The following THSD4 variants were observed in gnomAD, a reference collection of about 807,000 sequenced individuals.
THSD4 encodes the protein thrombospondin type-1 domain-containing protein 4.
In THSD4, 69 loss-of-function variants were observed where a neutral mutation model predicts 119.0. The ratio of observed to expected loss-of-function variants is 0.58; its 90% CI spans 0.48 to 0.71. The LOEUF (loss-of-function observed/expected upper bound fraction) is 0.71, where lower values mean the gene tolerates loss of function less well. THSD4 is among the 30% of genes least tolerant of loss of function. The pLI, the probability that THSD4 is intolerant of heterozygous loss-of-function variation, is 0.00. For synonymous variants in THSD4, 524 were observed against 540.4 expected (o/e 0.97, Z 0.42); for missense variants, 1,393 against 1,391.1 (o/e 1.00, Z -0.02).
chr15:71,150,592 T>C (rs894747227), intron 2 of THSD4, among the ~76,000 whole-genome samples: 1 of 152,196 alleles, frequency 6.6e-6, no homozygotes, highest in African/African-American at 2.4e-5. Context: ...TTAGCTTCAA[T>C]AGGGCCCAGT....
At chr15:71,439,723 C>T (rs973894958) in intron 7 of THSD4, among the ~76,000 whole-genome samples, 28 of 152,034 alleles carry the variant, frequency 1.8e-4, no homozygotes, top group Admixed American at 1.4e-3. Context: ...GGGACATGGA[C>T]GAAGCTGGAA....
chr15:71,654,552 TATTGCTAA>T (rs2051152747), intron 7 of THSD4, among the ~76,000 whole-genome samples: 2 of 152,226 alleles, frequency 1.3e-5, no homozygotes, highest in African/African-American at 4.8e-5. Flanking sequence ...AAACGGTCTA[TATTGCTAA>T]ATTGCTTTCC....
intron 7 of THSD4, among the ~76,000 whole-genome samples, chr15:71,646,604 T>C (rs868410951): frequency 1.3e-5 from 2 of 152,264 alleles, no homozygotes; most frequent in Admixed American, 6.5e-5. Context: ...ATTGAGTTCC[T>C]TCCATGTGTC....
At chr15:71,602,401 A>G (rs11072306) in intron 7 of THSD4, among the ~76,000 whole-genome samples, 93,282 of 151,060 alleles carry the variant, frequency 0.62, 31,299 homozygotes, top group East Asian at 0.99. Context: ...TAAAAATACA[A>G]AATTAGCCAG....
intron 3 of THSD4, among the ~76,000 whole-genome samples, chr15:71,211,095 A>G (rs985305486): frequency 6.6e-6 from 1 of 152,236 alleles, no homozygotes; most frequent in East Asian, 1.9e-4. Context: ...TTTAGATTCT[A>G]ATCAGCAGTG....
chr15:71,220,510 T>C (rs980355175), intron 4 of THSD4, among the ~76,000 whole-genome samples: 1 of 152,172 alleles, frequency 6.6e-6, no homozygotes, highest in African/African-American at 2.4e-5. Context: ...GTAATAATAA[T>C]ACCTATCATG....
At chr15:71,333,190 G>A (rs2045449276) in intron 6 of THSD4, among the ~76,000 whole-genome samples, 1 of 152,068 alleles carries the variant, frequency 6.6e-6, no homozygotes. Flanking sequence ...CAGGTGCATT[G>A]CAGGCATTAG....
intron 7 of THSD4, among the ~76,000 whole-genome samples, chr15:71,568,384 T>C (rs1456549544): frequency 1.3e-5 from 2 of 152,010 alleles, no homozygotes; most frequent in African/African-American, 4.8e-5. Context: ...GAGAGGTCCT[T>C]GAAGGCCAAG....
chr15:71,700,694 G>A (rs1405901105), intron 8 of THSD4, among the ~76,000 whole-genome samples: 1 of 151,968 alleles, frequency 6.6e-6, no homozygotes, highest in Non-Finnish European at 1.5e-5. Context: ...TAAAACACGT[G>A]GGGAAGGAAC....
At chr15:71,443,955 G>A (rs936586713) in intron 7 of THSD4, among the ~76,000 whole-genome samples, 1 of 152,236 alleles carries the variant, frequency 6.6e-6, no homozygotes, top group African/African-American at 2.4e-5. Context: ...AAGCATAGGT[G>A]CTGCTTCTCA....
chr15:71,534,686 A>G (rs2048665294), intron 7 of THSD4, among the ~76,000 whole-genome samples: 1 of 152,210 alleles, frequency 6.6e-6, no homozygotes, highest in South Asian at 2.1e-4. Flanking sequence ...TAAACAGCAT[A>G]TTAAGATACA....
chr15:71,678,839 C>CT (rs2051708546), intron 8 of THSD4, among the ~76,000 whole-genome samples: 1 of 152,152 alleles, frequency 6.6e-6, no homozygotes, highest in African/African-American at 2.4e-5. Context: ...CATGTTCTTC[C>CT]TTGGAAAATG....
chr15:71,292,719 C>G lies in THSD4; in HGVS notation c.1015+36004C>G, dbSNP rs1310374674. ...TGAGACGGAGTCTTGCTCTGTCGCC[C>G]AGGCTGGAGCACAGTGGTGCGATCT... On this transcript the variant is annotated intron_variant, in intron 6 of 17. Transcript: ENST00000261862. 2.7e-5 allele frequency among the ~76,000 whole-genome samples: 4 copies of G among 150,098 alleles called. No homozygotes were observed. The East Asian group carries it at 7.8e-4, about 29-fold the overall frequency.
intron 12 of THSD4, among the ~76,000 whole-genome samples, chr15:71,746,528 G>A (rs2053340891): frequency 6.6e-6 from 1 of 152,050 alleles, no homozygotes; most frequent in East Asian, 1.9e-4. Flanking sequence ...CCGAGTAGCT[G>A]GGACTACAGG....
chr15:71,570,300 T>C (rs2049324249), intron 7 of THSD4, among the ~76,000 whole-genome samples: 1 of 152,216 alleles, frequency 6.6e-6, no homozygotes, highest in East Asian at 1.9e-4. Context: ...ACAACAACCC[T>C]ATGAGAGATA....
chr15:71,345,762 C>T (rs943448688), intron 6 of THSD4, among the ~76,000 whole-genome samples: 8 of 149,946 alleles, frequency 5.3e-5, no homozygotes, highest in African/African-American at 1.5e-4. Flanking sequence ...AGAGTGCCTT[C>T]GCCAGAATAA....
intron 7 of THSD4, among the ~76,000 whole-genome samples, chr15:71,545,796 A>G (rs1167694392): frequency 1.3e-5 from 2 of 152,186 alleles, no homozygotes; most frequent in South Asian, 2.1e-4. Context: ...ACAGCCCTGT[A>G]AAAAGGAATG....
chr15:71,524,834 G>A (rs935196882), intron 7 of THSD4, among the ~76,000 whole-genome samples: 4 of 145,068 alleles, frequency 2.8e-5, no homozygotes, highest in African/African-American at 5.2e-5. Context: ...GGATGATCTC[G>A]ATCTCCTGAC....
At chr15:71,145,093 C>T (rs2040644051) in intron 2 of THSD4, among the ~76,000 whole-genome samples, 1 of 151,714 alleles carries the variant, frequency 6.6e-6, no homozygotes, top group Non-Finnish European at 1.5e-5. Flanking sequence ...GTCCCTAGAA[C>T]AGTACAATAA....
Sources: gnomAD v4.1 joint callset for allele counts (sites outside exome capture counted in the v4.1 genomes callset) on GRCh38, gnomAD v4.1.1 for gene constraint, MANE v1.5 for transcripts, NCBI Gene and HGNC (gene_info 2026-07-23, HGNC 2026-07-21) for gene names.